The following RPRD1A variants were observed in gnomAD, a reference collection of about 807,000 sequenced individuals.
RPRD1A encodes the protein regulation of nuclear pre-mRNA domain-containing protein 1A.
Under a neutral mutation model 37.8 loss-of-function variants are expected in RPRD1A, and 9 were observed. The observed-to-expected ratio is 0.24, with a 90% CI of 0.14 to 0.42. RPRD1A has a LOEUF of 0.42. Among genes scored for constraint, RPRD1A ranks in the 10% least tolerant of loss-of-function variants. The pLI, the probability that RPRD1A is intolerant of heterozygous loss-of-function variation, is 1.00. For synonymous variants in RPRD1A, 138 were observed against 139.7 expected (o/e 0.99, Z 0.08); for missense variants, 255 against 371.0 (o/e 0.69, Z 2.57).
intron 1 of RPRD1A, among the ~76,000 whole-genome samples, chr18:36,054,048 G>A (rs556757191): frequency 6.6e-6 from 1 of 152,254 alleles, no homozygotes; most frequent in East Asian, 1.9e-4. Context: ...ATGAGTTTGG[G>A]ATGTTTAGGA....
intron 1 of RPRD1A, among the ~76,000 whole-genome samples, chr18:36,036,103 G>GT (rs1398880903): frequency 1.1e-3 from 170 of 150,814 alleles, no homozygotes; most frequent in African/African-American, 2.0e-3. Context: ...AAATGTTTTT[G>GT]TTTTTTTTGT....
rs150718245 is a variant in RPRD1A at position 36,020,222 on chromosome 18, G to A, written c.789+6678C>T. Among the ~76,000 whole-genome samples, 354 of 152,276 alleles carry A rather than the reference G, an allele frequency of 2.3e-3. 4 individuals carry two copies. Among genetic ancestry groups the A allele is most frequent in the South Asian group, 0.019 (92 of 4,824 alleles). On this transcript the variant is annotated intron_variant, in intron 6 of 6. Coordinates refer to ENST00000399022, the MANE Select transcript of RPRD1A (RefSeq NM_018170.5). The stretch of plus-strand genomic sequence containing the variant: ...GATAAGTCTTAAGGTTGACAAGAAG[G>A]ATCAACTAAAACTCTACACGAATCT...
intron 1 of RPRD1A, 21 bp downstream of exon 1, chr18:36,067,233 C>A (rs778319023): frequency 6.5e-7 from 1 of 1,547,844 alleles, no homozygotes; most frequent in African/African-American, 1.4e-5. Context: ...GGGAAGCGGC[C>A]GACATAAGCG....
At position 35,989,865 on chromosome 18, in the gene RPRD1A, A is replaced by G. The variant is rs1908624222; in HGVS notation, c.*3286T>C. The G allele has an allele frequency of 6.6e-6, 1 of 152,272 alleles. No homozygotes were observed. Among genetic ancestry groups the G allele is most frequent in the South Asian group, 2.1e-4 (1 of 4,838 alleles). The allele number at this position is 152,272 out of a possible 1,614,324, so 9.4% of individuals were successfully genotyped here. A position where few individuals can be genotyped will look rare whatever the true frequency, so the allele number is the denominator to read the frequency against. ...CATAAAACTTTATTAAGAACATCTT[A>G]TACTGTCATCAGATACAGCCAAAGA... On this transcript the variant is annotated 3_prime_UTR_variant, in exon 7 of 7. Coordinates refer to ENST00000399022, the MANE Select transcript of RPRD1A (RefSeq NM_018170.5).
At chr18:36,019,165 T>A (rs1206223456) in intron 6 of RPRD1A, among the ~76,000 whole-genome samples, 1 of 146,568 alleles carries the variant, frequency 6.8e-6, no homozygotes, top group Non-Finnish European at 1.5e-5. Context: ...TGGAGTGCAG[T>A]GGCGTGATCT....
At chr18:36,062,290 G>C (rs1335394712) in intron 1 of RPRD1A, among the ~76,000 whole-genome samples, 1 of 136,692 alleles carries the variant, frequency 7.3e-6, no homozygotes, top group Non-Finnish European at 1.5e-5. Flanking sequence ...GCAGTCCGCA[G>C]TCCGGCCTGG....
intron 4 of RPRD1A, chr18:36,027,597 G>T: frequency 3.8e-6 from 1 of 264,854 alleles, no homozygotes; most frequent in Non-Finnish European, 7.2e-6. Flanking sequence ...ATGAGGTAAT[G>T]AGGATTTATA....
chr18:36,003,068 T>C (rs1909523549), intron 6 of RPRD1A, among the ~76,000 whole-genome samples: 2 of 152,178 alleles, frequency 1.3e-5, no homozygotes, highest in Non-Finnish European at 2.9e-5. Flanking sequence ...TTCACATAAT[T>C]TATATCCCTC....
intron 1 of RPRD1A, among the ~76,000 whole-genome samples, chr18:36,060,505 A>G (rs1330480486): frequency 6.6e-6 from 1 of 152,228 alleles, no homozygotes; most frequent in Non-Finnish European, 1.5e-5. Flanking sequence ...AGAACAGCCA[A>G]GAATATACAG....
intron 1 of RPRD1A, among the ~76,000 whole-genome samples, chr18:36,046,020 A>G (rs1912927604): frequency 6.6e-6 from 1 of 152,226 alleles, no homozygotes; most frequent in African/African-American, 2.4e-5. Context: ...CAGATAACCA[A>G]GAGTCATAGT....
At chr18:36,041,354 C>T (rs1227298438) in intron 1 of RPRD1A, among the ~76,000 whole-genome samples, 3 of 152,130 alleles carry the variant, frequency 2.0e-5, no homozygotes, top group African/African-American at 7.2e-5. Flanking sequence ...TATCCTCATG[C>T]TATCTTAAGT....
chr18:36,059,680 G>T (rs2088867047), intron 1 of RPRD1A, among the ~76,000 whole-genome samples: 1 of 151,998 alleles, frequency 6.6e-6, no homozygotes, highest in South Asian at 2.1e-4. Context: ...CAACCAATTT[G>T]ATTTTTTCAA....
At chr18:36,013,063 A>G (rs1342848645) in intron 6 of RPRD1A, among the ~76,000 whole-genome samples, 2 of 152,210 alleles carry the variant, frequency 1.3e-5, no homozygotes, top group African/African-American at 2.4e-5. Flanking sequence ...GCTGGCAAAA[A>G]TAGAGGCAAG....
At chr18:36,026,163 T>C (rs1911351909) in intron 6 of RPRD1A, 1 of 152,516 alleles carries the variant, frequency 6.6e-6, no homozygotes, top group African/African-American at 2.4e-5. Context: ...AAATTTACAG[T>C]GAGCTTTCTG....
Position 36,003,525 on chromosome 18 carries a change from G to C in RPRD1A, c.790-10225C>G, listed in dbSNP as rs190237234. Among the ~76,000 whole-genome samples, 684 of 152,234 alleles carry C rather than the reference G, an allele frequency of 4.5e-3. 1 individual carries two copies. Among genetic ancestry groups the C allele is most frequent in the Non-Finnish European group, 7.2e-3 (493 of 68,022 alleles). On this transcript the variant is annotated intron_variant, in intron 6 of 6. Coordinates refer to ENST00000399022, the MANE Select transcript of RPRD1A (RefSeq NM_018170.5). ...CAATTTGCACTGGTTACAGACCAAC[G>C]GTCTGACCTGTCAAGTATATTACTC...
intron 1 of RPRD1A, among the ~76,000 whole-genome samples, chr18:36,045,264 A>C (rs2144353420): frequency 6.6e-6 from 1 of 152,302 alleles, no homozygotes; most frequent in East Asian, 1.9e-4. Context: ...ATATTAAAAA[A>C]TAGAGGTCGC....
chr18:36,009,611 C>T (rs1910043439), intron 6 of RPRD1A, among the ~76,000 whole-genome samples: 1 of 152,220 alleles, frequency 6.6e-6, no homozygotes, highest in Non-Finnish European at 1.5e-5. Flanking sequence ...AGAGATATTA[C>T]ATATACAATT....
At chr18:36,062,724 A>T (rs1290729138) in intron 1 of RPRD1A, among the ~76,000 whole-genome samples, 1 of 152,206 alleles carries the variant, frequency 6.6e-6, no homozygotes, top group African/African-American at 2.4e-5. Flanking sequence ...TATTCATATG[A>T]AATGGTAAAA....
intron 6 of RPRD1A, among the ~76,000 whole-genome samples, chr18:36,024,135 T>A (rs1911196144): frequency 6.6e-6 from 1 of 151,656 alleles, no homozygotes; most frequent in Non-Finnish European, 1.5e-5. Context: ...TTAACAGTTA[T>A]CTCGTGTGTG....
Sources: allele counts gnomAD v4.1 joint callset (sites outside exome capture counted in the v4.1 genomes callset), GRCh38; gene constraint gnomAD v4.1.1; transcripts MANE v1.5; gene names NCBI Gene and HGNC (gene_info 2026-07-23, HGNC 2026-07-21).